Variants in SPAG16 observed in about 807,000 individuals in gnomAD.
The protein encoded by SPAG16 is sperm-associated antigen 16 protein.
Under a neutral mutation model 80.4 loss-of-function variants are expected in SPAG16, and 86 were observed. That is an observed-to-expected ratio of 1.07 (90% CI 0.90 to 1.28). SPAG16 has a LOEUF of 1.28. SPAG16 is among the 50% of genes most tolerant of loss of function. The pLI is 0.00. For missense variants in SPAG16, 870 were observed against 765.3 expected (o/e 1.14, Z -1.61); for synonymous variants, 294 against 265.9 (o/e 1.11, Z -1.03).
At chr2:214,196,043 C>A (rs891465479) in intron 15 of SPAG16, among the ~76,000 whole-genome samples, 1 of 151,834 alleles carries the variant, frequency 6.6e-6, no homozygotes, top group Non-Finnish European at 1.5e-5. Context: ...GTTACCAGAA[C>A]CAGAATCGCC....
At chr2:213,875,373 A>G (rs2076103106) in intron 11 of SPAG16, among the ~76,000 whole-genome samples, 1 of 152,142 alleles carries the variant, frequency 6.6e-6, no homozygotes, top group Non-Finnish European at 1.5e-5. Context: ...GAGATGAGCC[A>G]AAACAGAATG....
At chr2:214,386,145 C>A (rs1385229652) in intron 15 of SPAG16, among the ~76,000 whole-genome samples, 5 of 152,180 alleles carry the variant, frequency 3.3e-5, no homozygotes, top group Non-Finnish European at 5.9e-5. Flanking sequence ...GAGGCTGAGG[C>A]AGGCTGATCA....
chr2:213,627,873 G>A (rs532851635), intron 10 of SPAG16, among the ~76,000 whole-genome samples: 41 of 152,292 alleles, frequency 2.7e-4, no homozygotes, highest in Non-Finnish European at 3.1e-4. Flanking sequence ...ACAAAATAGC[G>A]TGAGTGCTTC....
chr2:213,627,643 G>A (rs10203801), intron 10 of SPAG16, among the ~76,000 whole-genome samples: 4,459 of 151,980 alleles, frequency 0.029, 231 homozygotes, highest in African/African-American at 0.1. Flanking sequence ...TATATTTCTT[G>A]TGTCTAAAAA....
At chr2:214,211,964 A>G (rs1362145256) in intron 15 of SPAG16, among the ~76,000 whole-genome samples, 2 of 152,134 alleles carry the variant, frequency 1.3e-5, no homozygotes, top group African/African-American at 2.4e-5. Flanking sequence ...GTTTCGGGCT[A>G]CTGTGACACT....
At chr2:213,468,802 C>T (rs947299521) in intron 9 of SPAG16, among the ~76,000 whole-genome samples, 3 of 151,200 alleles carry the variant, frequency 2.0e-5, no homozygotes, top group Admixed American at 6.6e-5. Context: ...ATCACAAGGT[C>T]TCACAACAGG....
At chr2:213,530,316 T>C (rs2076026239) in intron 10 of SPAG16, among the ~76,000 whole-genome samples, 1 of 152,194 alleles carries the variant, frequency 6.6e-6, no homozygotes, top group South Asian at 2.1e-4. Context: ...AACGTGAGTA[T>C]TGCATTGTGC....
At chr2:213,726,881 A>C (rs2125410053) in intron 10 of SPAG16, among the ~76,000 whole-genome samples, 1 of 152,354 alleles carries the variant, frequency 6.6e-6, no homozygotes, top group African/African-American at 2.4e-5. Flanking sequence ...TTTAGGCTTA[A>C]GGATTCTCAA....
chr2:213,516,235 G>A (rs780902130), intron 10 of SPAG16, among the ~76,000 whole-genome samples: 2 of 152,108 alleles, frequency 1.3e-5, no homozygotes, highest in Non-Finnish European at 1.5e-5. Context: ...CACATCAGCT[G>A]TGGAAATTTA....
chr2:213,428,051 G>A (rs1010077685), intron 9 of SPAG16, among the ~76,000 whole-genome samples: 1 of 152,182 alleles, frequency 6.6e-6, no homozygotes, highest in African/African-American at 2.4e-5. Context: ...GTTTTCTAGA[G>A]TGCCTCACCA....
intron 10 of SPAG16, among the ~76,000 whole-genome samples, chr2:213,788,224 A>C (rs1179686043): frequency 6.6e-6 from 1 of 152,138 alleles, no homozygotes; most frequent in East Asian, 1.9e-4. Flanking sequence ...AGAGTTAAAT[A>C]AATTATAATA....
At chr2:214,374,613 A>G (rs1189321947) in intron 15 of SPAG16, among the ~76,000 whole-genome samples, 1 of 152,196 alleles carries the variant, frequency 6.6e-6, no homozygotes, top group Non-Finnish European at 1.5e-5. Context: ...TCTCAAAAAT[A>G]TGCAAAATGC....
rs190571149 is a variant in SPAG16, at chr2:213,981,355, T to G, written c.1401-32596T>G. ...AATATAGTGCTTTGACTTTGGGATA[T>G]TATAGTATTCAAGGAGCTCTTTTTT... On this transcript the variant is annotated intron_variant, in intron 12 of 15. Coordinates refer to ENST00000331683, the MANE Select transcript of SPAG16 (RefSeq NM_024532.5). Among the ~76,000 whole-genome samples, 159 of 152,222 alleles carry G rather than the reference T, an allele frequency of 1.0e-3. 1 individual carries two copies. The highest frequency in any genetic ancestry group is 3.5e-3 in the African/African-American group (146 of 41,566).
intron 15 of SPAG16, among the ~76,000 whole-genome samples, chr2:214,407,596 A>G (rs991046436): frequency 6.6e-6 from 1 of 152,126 alleles, no homozygotes; most frequent in Non-Finnish European, 1.5e-5. Context: ...TTCATTGCCA[A>G]TCACCAGGAG....
intron 14 of SPAG16, among the ~76,000 whole-genome samples, chr2:214,125,911 G>T (rs2054451875): frequency 6.6e-6 from 1 of 151,488 alleles, no homozygotes; most frequent in African/African-American, 2.4e-5. Flanking sequence ...CAATCACGTA[G>T]AAATGTGATT....
chr2:214,218,221 G>GA (rs980304132), intron 15 of SPAG16, among the ~76,000 whole-genome samples: 3 of 152,088 alleles, frequency 2.0e-5, no homozygotes, highest in African/African-American at 2.4e-5. Flanking sequence ...TGAAGCATAG[G>GA]AAAAAAATCT....
intron 13 of SPAG16, among the ~76,000 whole-genome samples, chr2:214,089,607 T>C (rs1203017187): frequency 6.6e-6 from 1 of 152,052 alleles, no homozygotes; most frequent in Non-Finnish European, 1.5e-5. Context: ...CCTCTCATTC[T>C]AACCTATATT....
At chr2:214,233,784 A>C (rs1688873378) in intron 15 of SPAG16, among the ~76,000 whole-genome samples, 1 of 152,158 alleles carries the variant, frequency 6.6e-6, no homozygotes, top group Non-Finnish European at 1.5e-5. Context: ...AATCCTGTAC[A>C]TGAGGATGTA....
At chr2:213,986,324 C>T (rs1423435128) in intron 12 of SPAG16, among the ~76,000 whole-genome samples, 1 of 151,698 alleles carries the variant, frequency 6.6e-6, no homozygotes, top group Non-Finnish European at 1.5e-5. Context: ...TTTTTCCCAC[C>T]GTTTATTTCA....
Sources: allele counts gnomAD v4.1 joint callset (sites outside exome capture counted in the v4.1 genomes callset), GRCh38; gene constraint gnomAD v4.1.1; transcripts MANE v1.5; gene names NCBI Gene and HGNC (gene_info 2026-07-23, HGNC 2026-07-21).